KIAA1671: variants seen among roughly 807,000 people sequenced by gnomAD.
The protein encoded by KIAA1671 is uncharacterized protein KIAA1671.
Under a neutral mutation model 131.2 loss-of-function variants are expected in KIAA1671, and 52 were observed. The observed-to-expected ratio is 0.40, with a 90% confidence interval of 0.32 to 0.50. KIAA1671 has a LOEUF of 0.50. Ranked by LOEUF, KIAA1671 falls within the 20% of genes least tolerant of loss-of-function variation. The pLI, the probability that KIAA1671 is intolerant of heterozygous loss-of-function variation, is 0.73. For synonymous variants in KIAA1671, 1,003 were observed against 961.6 expected (o/e 1.04, Z -0.80); for missense variants, 2,360 against 2,364.2 (o/e 1.00, Z 0.04).
chr22:25,074,449 G>A (rs1201549041), intron 6 of KIAA1671, among the ~76,000 whole-genome samples: 1 of 129,068 alleles, frequency 7.7e-6, no homozygotes, highest in Non-Finnish European at 1.5e-5. Flanking sequence ...AGGTTGCAGT[G>A]AGCCAAGATC....
rs575237003 is a variant in KIAA1671 at position 24,956,531 on chromosome 22, G to A, written c.-208+3759G>A. 1.2e-3 allele frequency among the ~76,000 whole-genome samples: 182 copies of A among 152,308 alleles called. 5 individuals are homozygous for A. The highest frequency in any genetic ancestry group is 3.4e-3 in the Middle Eastern group (1 of 294). On this transcript the variant is annotated intron_variant, in intron 1 of 12. Coordinates refer to ENST00000358431, the MANE Select transcript of KIAA1671 (RefSeq NM_001145206.2). ...GTGGGTTTCAGTTGGGTGTGGAAGG[G>A]ATAAATTGAAGGAGCCTTCCCGGAG...
Position 24,956,822 on chromosome 22 carries a change from A to G in KIAA1671, c.-208+4050A>G, listed in dbSNP as rs564349641. Among the ~76,000 whole-genome samples, 6 of 149,124 alleles carry G rather than the reference A, an allele frequency of 4.0e-5. No individual in the cohort carries two copies. The East Asian group carries it at 1.2e-3, about 30-fold the overall frequency. On this transcript the variant is annotated intron_variant, in intron 1 of 12. Coordinates refer to ENST00000358431, the MANE Select transcript of KIAA1671 (RefSeq NM_001145206.2). ...GCGAGGCGGAGCTTACAGTGAGCCG[A>G]GATAGTGCCACTGCACTCCAGCCTG...
At chr22:25,121,942 C>G (rs1436394621) in intron 6 of KIAA1671, among the ~76,000 whole-genome samples, 3 of 152,158 alleles carry the variant, frequency 2.0e-5, no homozygotes, top group African/African-American at 7.2e-5. Flanking sequence ...CAAGCCAGCT[C>G]CAGTATACGC....
intron 1 of KIAA1671, among the ~76,000 whole-genome samples, chr22:24,962,790 T>C (rs771525273): frequency 3.3e-5 from 5 of 152,104 alleles, no homozygotes; most frequent in African/African-American, 9.7e-5. Flanking sequence ...CAGATGCTTT[T>C]TGGGGCCCTG....
chr22:25,030,188 T>C (rs886552853), intron 3 of KIAA1671, among the ~76,000 whole-genome samples: 1 of 152,240 alleles, frequency 6.6e-6, no homozygotes, highest in Non-Finnish European at 1.5e-5. Context: ...AGCTGGTTAA[T>C]ACCGATGTTC....
intron 1 of KIAA1671, chr22:25,013,228 GA>G (rs1214198285): frequency 6.6e-6 from 1 of 152,238 alleles, no homozygotes; most frequent in Non-Finnish European, 1.5e-5. Flanking sequence ...GGATGGGTGG[GA>G]ATCAGGCAAA....
At chr22:25,179,563 G>T in intron 9 of KIAA1671, 1 of 1,549,204 alleles carries the variant, frequency 6.5e-7, no homozygotes, top group Non-Finnish European at 8.8e-7. Context: ...GCGTTGGGAA[G>T]GGAACGGAGC....
chr22:25,140,829 C>G (rs984503233), intron 6 of KIAA1671, among the ~76,000 whole-genome samples: 1 of 152,180 alleles, frequency 6.6e-6, no homozygotes, highest in East Asian at 1.9e-4. Flanking sequence ...GTCCGTACCT[C>G]AAAGAGTGCA....
chr22:25,128,752 TCAC>T (rs775148906), intron 6 of KIAA1671, among the ~76,000 whole-genome samples: 12 of 152,202 alleles, frequency 7.9e-5, no homozygotes, highest in Non-Finnish European at 4.4e-5. Flanking sequence ...AATGCTAGAC[TCAC>T]AGATCTCCAT....
chr22:25,098,967 A>G (rs1930519075), intron 6 of KIAA1671, among the ~76,000 whole-genome samples: 1 of 152,162 alleles, frequency 6.6e-6, no homozygotes, highest in East Asian at 1.9e-4. Flanking sequence ...GTGCTCTGCA[A>G]GTGGAGACCA....
At chr22:25,103,758 C>T (rs371472537) in intron 6 of KIAA1671, among the ~76,000 whole-genome samples, 5 of 152,184 alleles carry the variant, frequency 3.3e-5, no homozygotes, top group East Asian at 3.9e-4. Flanking sequence ...TCCCAAAGTG[C>T]TGGGATTACG....
At chr22:25,054,580 A>C (rs1190840308) in intron 6 of KIAA1671, 2 of 149,644 alleles carry the variant, frequency 1.3e-5, no homozygotes, top group Non-Finnish European at 3.0e-5. Flanking sequence ...TGGGGGAGGG[A>C]GTGCAGAGCT....
intron 1 of KIAA1671, among the ~76,000 whole-genome samples, chr22:24,984,796 C>T: frequency 6.6e-6 from 1 of 151,748 alleles, no homozygotes; most frequent in Admixed American, 6.6e-5. Context: ...TGCCTGCAAC[C>T]CCAGCTACTC....
intron 6 of KIAA1671, among the ~76,000 whole-genome samples, chr22:25,167,806 G>A (rs1156612976): frequency 2.0e-5 from 3 of 152,146 alleles, no homozygotes; most frequent in African/African-American, 4.8e-5. Flanking sequence ...GTATTCCCAC[G>A]AACATCATGG....
rs1017995548 is a variant in KIAA1671, at chr22:25,039,190, C to G, written c.2060C>G (p.Thr687Ser). The change falls in exon 5 of 13, where the codon ACC (threonine) becomes AGC (serine). Residue 687 changes from threonine to serine, a missense_variant. Physicochemically the swap from Thr to Ser is moderately conservative, Grantham distance 58 (BLOSUM62 1). Coordinates refer to ENST00000358431, the MANE Select transcript of KIAA1671 (RefSeq NM_001145206.2). ...CCCGAGACGGAGAAATTGGGACCAA[C>G]CACCCTTTTGAATGGTGAACTGAGA... Reference protein sequence around the residue: ...DNPETEKLGPTTLLNGELRPY... With the variant: ...DNPETEKLGPSTLLNGELRPY... 1.3e-6 allele frequency: 2 copies of G among 1,551,982 alleles called. No individual in the cohort carries two copies. The highest frequency in any genetic ancestry group is 1.7e-6 in the Non-Finnish European group (2 of 1,147,126).
intron 1 of KIAA1671, chr22:25,023,406 A>C (rs1312117364): frequency 6.6e-6 from 1 of 152,152 alleles, no homozygotes; most frequent in Non-Finnish European, 1.5e-5. Context: ...AAAATAGTGG[A>C]CATGTCCACC....
intron 7 of KIAA1671, 45 bp from the exon 8 acceptor site, chr22:25,174,195 A>G: frequency 6.5e-7 from 1 of 1,541,466 alleles, no homozygotes; most frequent in Non-Finnish European, 8.8e-7. Context: ...CGTTCTCTGA[A>G]ACGTTCTCCA....
rs1349519246 is a variant in KIAA1671 at position 25,039,798 on chromosome 22, G to A, written c.2668G>A (p.Ala890Thr). The change falls in exon 5 of 13, where the codon GCT becomes ACT. Residue 890 changes from alanine to threonine, a missense_variant. Around this residue, in one of 3 missense-constraint regions of KIAA1671, gnomAD observed 1,161 missense variants for 1,204.7 expected, o/e 0.96. Coordinates refer to ENST00000358431, the MANE Select transcript of KIAA1671 (RefSeq NM_001145206.2). ...QGCPLDPLSR[A>T]TNGPSDSQAR... ...ATGCCCCCTCGATCCTCTTTCCAGG[G>A]CTACGAATGGGCCTTCTGACTCCCA... The A allele has an allele frequency of 8.2e-5, 125 of 1,515,894 alleles. 1 individual carries two copies. In the South Asian group the frequency reaches 1.5e-3, roughly 18 times the overall value. The allele number at this position is 1,515,894 out of a possible 1,614,324, so 93.9% of individuals were successfully genotyped here. A position where few individuals can be genotyped will look rare whatever the true frequency, so the allele number is the denominator to read the frequency against.
At chr22:25,123,087 A>T (rs1932020482) in intron 6 of KIAA1671, among the ~76,000 whole-genome samples, 1 of 151,442 alleles carries the variant, frequency 6.6e-6, no homozygotes, top group South Asian at 2.1e-4. Context: ...CCTCTCAGTG[A>T]TTCTTGCCTT....
Sources: allele counts gnomAD v4.1 joint callset (sites outside exome capture counted in the v4.1 genomes callset), GRCh38; gene constraint gnomAD v4.1.1; regional missense constraint gnomAD v4.1.1; transcripts MANE v1.5; gene names NCBI Gene and HGNC (gene_info 2026-07-23, HGNC 2026-07-21).